Variants in TNFAIP8L1 observed in about 807,000 individuals in gnomAD.
The protein encoded by TNFAIP8L1 is TNF alpha induced protein 8 like 1.
For synonymous variants in TNFAIP8L1, 127 were observed against 125.6 expected (o/e 1.01, Z -0.08); for missense variants, 225 against 266.1 (o/e 0.85, Z 1.08).
rs1053780310 is a variant in TNFAIP8L1 at position 4,645,453 on chromosome 19, G to A, written c.-4+5824G>A. 4.6e-5 allele frequency among the ~76,000 whole-genome samples: 7 copies of A among 152,092 alleles called. No homozygotes were observed. Among genetic ancestry groups the A allele is most frequent in the African/African-American group, 1.4e-4 (6 of 41,416 alleles). ...CAGCTGGGTGTGGTGGCATGCACCT[G>A]TAGTCCTAGCTACTTGGGAGGCTGA... On this transcript the variant is annotated intron_variant, in intron 1 of 1. Coordinates refer to ENST00000327473, the MANE Select transcript of TNFAIP8L1 (RefSeq NM_152362.3). The surrounding 1 kb of genome is among the most constrained non-coding windows in gnomAD (Gnocchi z 4.1).
rs371157423 is a variant in TNFAIP8L1 at position 4,647,264 on chromosome 19, T to C, written c.-3-4603T>C. 2.2e-4 allele frequency among the ~76,000 whole-genome samples: 34 copies of C among 152,288 alleles called. 1 individual carries two copies. The South Asian group carries it at 6.4e-3, about 29-fold the overall frequency. ...CCCAAAGTGGAATTGCTGGGTCCTA[T>C]GGTAACTGTGTGTTTAGATGTCTGA... On this transcript the variant is annotated intron_variant, in intron 1 of 1. Coordinates refer to ENST00000327473, the MANE Select transcript of TNFAIP8L1 (RefSeq NM_152362.3).
In TNFAIP8L1 at chr19:4,652,147, G is replaced by A. The variant is rs759851611; in HGVS notation, c.278G>A (p.Arg93Gln). Residue 93 changes from arginine to glutamine, a missense_variant, in exon 2 of 2, where the codon CGG becomes CAG. Transcript: ENST00000327473. ...ELALLRRFRH[R>Q]ARCLAMTAVS... Reference sequence around the variant, plus strand: ...GCGCTGCTGCGGCGCTTCCGCCACCGGGCGCGCTGCCTGGCCATGACGGCC... The same window carrying A: ...GCGCTGCTGCGGCGCTTCCGCCACCAGGCGCGCTGCCTGGCCATGACGGCC... 8.3e-6 allele frequency: 13 copies of A among 1,564,012 alleles called. No homozygotes were observed. Among genetic ancestry groups the A allele is most frequent in the African/African-American group, 1.4e-5 (1 of 73,656 alleles).
chr19:4,647,247 G>A (rs2145169163), intron 1 of TNFAIP8L1, among the ~76,000 whole-genome samples: 1 of 152,296 alleles, frequency 6.6e-6, no homozygotes, highest in East Asian at 1.9e-4. Flanking sequence ...CCCCCAAAGT[G>A]GAATTGCTGG....
Position 4,655,113 on chromosome 19 carries a change from A to C in TNFAIP8L1, c.*2683A>C, listed in dbSNP as rs2088411295. On this transcript the variant is annotated 3_prime_UTR_variant, in exon 2 of 2. Transcript: ENST00000327473. ...AGTCCGGCCGTCTGAGCCTGCACTG[A>C]CGCCTGGTGAAGCTGTGCAGGGGCC... 6.6e-6 allele frequency: 1 copy of C among 152,226 alleles called. No individual in the cohort carries two copies. Among genetic ancestry groups the C allele is most frequent in the Non-Finnish European group, 1.5e-5 (1 of 68,084 alleles). 9.4% of individuals were successfully genotyped at this position (152,226 alleles called of 1,614,324 possible). A position where few individuals can be genotyped will look rare whatever the true frequency, so the allele number is the denominator to read the frequency against.
chr19:4,647,609 C>CTTTTTT (rs57985958), intron 1 of TNFAIP8L1, among the ~76,000 whole-genome samples: 11 of 80,558 alleles, frequency 1.4e-4, no homozygotes, highest in East Asian at 4.3e-4. Flanking sequence ...GTGCACCTGG[C>CTTTTTT]TTTTTTTTTT....
At chr19:4,648,662 C>T (rs1030895832) in intron 1 of TNFAIP8L1, among the ~76,000 whole-genome samples, 21 of 152,180 alleles carry the variant, frequency 1.4e-4, no homozygotes, top group African/African-American at 4.8e-4. Context: ...GCCTGACTCC[C>T]GTCCGGAATC....
rs893894530 is a variant in TNFAIP8L1, at chr19:4,652,220, C to T, written c.351C>T (p.Ala117=). ...VDFTFDRRVL[A]AGLLECRDLL... ...TCACCTTCGACCGGCGCGTGCTGGCCGCCGGGCTGCTCGAGTGCCGCGACC... is the reference window on the plus strand; with the variant it reads ...TCACCTTCGACCGGCGCGTGCTGGCTGCCGGGCTGCTCGAGTGCCGCGACC... The change falls in exon 2 of 2, where the codon GCC becomes GCT. Residue 117 remains alanine, a synonymous_variant. Coordinates refer to ENST00000327473, the MANE Select transcript of TNFAIP8L1 (RefSeq NM_152362.3). The T allele has an allele frequency of 1.9e-5, 30 of 1,545,964 alleles. No homozygotes were observed. Among genetic ancestry groups the T allele is most frequent in the Non-Finnish European group, 2.4e-5 (27 of 1,148,652 alleles).
At chr19:4,644,509 C>T (rs2088291601) in intron 1 of TNFAIP8L1, among the ~76,000 whole-genome samples, 1 of 151,184 alleles carries the variant, frequency 6.6e-6, no homozygotes, top group Admixed American at 6.6e-5. Context: ...GGTACCACTG[C>T]ACTCCAGCCT....
chr19:4,652,202 C>T lies in TNFAIP8L1; in HGVS notation c.333C>T (p.Phe111=), dbSNP rs765935733. The T allele has an allele frequency of 5.2e-6, 8 of 1,543,834 alleles. No individual in the cohort carries two copies. In the Admixed American group the frequency reaches 1.4e-4, roughly 26 times the overall value. Residue 111 remains phenylalanine, a synonymous_variant, in exon 2 of 2, where the codon TTC becomes TTT. Transcript: ENST00000327473. Reference sequence around the variant, plus strand: ...GCTTCCACCAGGTGGACTTCACCTTCGACCGGCGCGTGCTGGCCGCCGGGC... The same window carrying T: ...GCTTCCACCAGGTGGACTTCACCTTTGACCGGCGCGTGCTGGCCGCCGGGC... ...AVSFHQVDFT[F]DRRVLAAGLL... is the part of the protein sequence containing the mutation.
chr19:4,652,841 G>T lies in TNFAIP8L1; in HGVS notation c.*411G>T, dbSNP rs1021413724. 2 of 204,532 alleles carry T rather than the reference G, an allele frequency of 9.8e-6. No individual in the cohort carries two copies. Among genetic ancestry groups the T allele is most frequent in the African/African-American group, 2.3e-5 (1 of 42,936 alleles). The allele number at this position is 204,532 out of a possible 1,614,324, so 12.7% of individuals were successfully genotyped here. On this transcript the variant is annotated 3_prime_UTR_variant, in exon 2 of 2. Coordinates refer to ENST00000327473, the MANE Select transcript of TNFAIP8L1 (RefSeq NM_152362.3). ...CACACGGTGAACTGGGGGAAGGGAA[G>T]TGTTAGGGGGCAAGTCGCGGCACCC...
At chr19:4,649,621 G>A (rs188896908) in intron 1 of TNFAIP8L1, among the ~76,000 whole-genome samples, 2 of 152,318 alleles carry the variant, frequency 1.3e-5, no homozygotes, top group Admixed American at 1.3e-4. Context: ...GTGTGGTCTT[G>A]GGGAAGTGGC....
chr19:4,649,069 A>G (rs1041882922), intron 1 of TNFAIP8L1, among the ~76,000 whole-genome samples: 1 of 151,600 alleles, frequency 6.6e-6, no homozygotes, highest in Non-Finnish European at 1.5e-5. Context: ...AGCTGGGACT[A>G]CAGGCGCCCA....
At chr19:4,640,983 C>T (rs2088255371) in intron 1 of TNFAIP8L1, 1 of 137,558 alleles carries the variant, frequency 7.3e-6, no homozygotes, top group South Asian at 2.5e-4. Flanking sequence ...CTGGAGCAGC[C>T]TGGGATACAG....
intron 1 of TNFAIP8L1, among the ~76,000 whole-genome samples, chr19:4,650,815 G>A (rs892453454): frequency 1.3e-5 from 2 of 152,098 alleles, no homozygotes; most frequent in African/African-American, 4.8e-5. Context: ...CCTTGGACAT[G>A]CCTGTTATAA....
Position 4,652,810 on chromosome 19 carries a change from C to T in TNFAIP8L1, c.*380C>T, listed in dbSNP as rs1060555. On this transcript the variant is annotated 3_prime_UTR_variant, in exon 2 of 2. Transcript: ENST00000327473. ...ATTTTCATCCCTCGCACAAGGACTA[C>T]GGGTTCACACGGTGAACTGGGGGAA... 5 of 232,896 alleles carry T rather than the reference C, an allele frequency of 2.1e-5. No homozygotes were observed. The highest frequency in any genetic ancestry group is 2.0e-4 in the East Asian group (2 of 9,978). The allele number at this position is 232,896 out of a possible 1,614,324, so 14.4% of individuals were successfully genotyped here. A position where few individuals can be genotyped will look rare whatever the true frequency, so the allele number is the denominator to read the frequency against.
chr19:4,643,296 G>C (rs1034477023), intron 1 of TNFAIP8L1, among the ~76,000 whole-genome samples: 2 of 151,418 alleles, frequency 1.3e-5, no homozygotes, highest in Non-Finnish European at 2.9e-5. Context: ...AAAAAAAAGT[G>C]GGTTGCATTG....
At position 4,652,516 on chromosome 19, in the gene TNFAIP8L1, T is replaced by A. The variant is rs897750338; in HGVS notation, c.*86T>A. 2.9e-5 allele frequency: 38 copies of A among 1,332,412 alleles called. No homozygotes were observed. In the African/African-American group the frequency reaches 5.7e-4, roughly 20 times the overall value. 82.5% of individuals were successfully genotyped at this position (1,332,412 alleles called of 1,614,324 possible). The stretch of plus-strand genomic sequence containing the variant: ...TGGGGTTTGTGGGTTTTTTTCCACC[T>A]CTTTTCTCCCAATCGGACTCCGGCC... On this transcript the variant is annotated 3_prime_UTR_variant, in exon 2 of 2. Coordinates refer to ENST00000327473, the MANE Select transcript of TNFAIP8L1 (RefSeq NM_152362.3).
intron 1 of TNFAIP8L1, chr19:4,640,283 T>G (rs16992471): frequency 0.39 from 59,505 of 152,256 alleles, 12,530 homozygotes; most frequent in Non-Finnish European, 0.48. Flanking sequence ...CCAATGTTTG[T>G]CCAGGGAAGT....
chr19:4,643,401 C>A (rs983187501), intron 1 of TNFAIP8L1, among the ~76,000 whole-genome samples: 2 of 152,162 alleles, frequency 1.3e-5, no homozygotes, highest in Non-Finnish European at 2.9e-5. Flanking sequence ...CAAGCCTGTC[C>A]CCTCCTCTGC....
Sources: gnomAD v4.1 joint callset for allele counts (sites outside exome capture counted in the v4.1 genomes callset) on GRCh38, gnomAD v4.1.1 for gene constraint, Gnocchi (gnomAD v3.1) non-coding constraint, MANE v1.5 for transcripts, NCBI Gene and HGNC (gene_info 2026-07-23, HGNC 2026-07-21) for gene names.